CCSER2: variants seen among roughly 807,000 people sequenced by gnomAD.
CCSER2 encodes the protein serine-rich coiled-coil domain-containing protein 2.
A neutral mutation model predicts 92.3 loss-of-function variants in CCSER2; 46 were observed. That is an observed-to-expected ratio of 0.50 (90% CI 0.39 to 0.64). CCSER2 has a LOEUF of 0.64. CCSER2 is among the 30% of genes least tolerant of loss of function. CCSER2 has a pLI of 0.00. For missense variants in CCSER2, 1,244 were observed against 1,238.9 expected (o/e 1.00, Z -0.06); for synonymous variants, 433 against 431.4 (o/e 1.00, Z -0.04).
chr10:84,504,177 G>A (rs1012349612), intron 9 of CCSER2, among the ~76,000 whole-genome samples: 5 of 151,714 alleles, frequency 3.3e-5, no homozygotes, highest in African/African-American at 4.8e-5. Context: ...AAAAACATTG[G>A]TCTATTTTGC....
At chr10:84,511,978 T>C (rs923883053) in intron 9 of CCSER2, among the ~76,000 whole-genome samples, 1 of 152,208 alleles carries the variant, frequency 6.6e-6, no homozygotes, top group African/African-American at 2.4e-5. Flanking sequence ...TGATGTGACA[T>C]ATTTCTGTAC....
At chr10:84,424,442 T>C (rs1021184110) in intron 4 of CCSER2, among the ~76,000 whole-genome samples, 5 of 152,164 alleles carry the variant, frequency 3.3e-5, no homozygotes, top group African/African-American at 7.2e-5. Flanking sequence ...ATAAACAAAA[T>C]TTCAGTGTCC....
At chr10:84,433,375 A>G (rs1359441893) in intron 5 of CCSER2, among the ~76,000 whole-genome samples, 1 of 152,148 alleles carries the variant, frequency 6.6e-6, no homozygotes, top group South Asian at 2.1e-4. Context: ...TATGAAATCA[A>G]AACTGTGACT....
intron 9 of CCSER2, among the ~76,000 whole-genome samples, chr10:84,512,173 A>C (rs574169900): frequency 6.6e-6 from 1 of 152,298 alleles, no homozygotes; most frequent in African/African-American, 2.4e-5. Context: ...GGGAGGTGGA[A>C]GAACTGAAAA....
intron 9 of CCSER2, among the ~76,000 whole-genome samples, chr10:84,483,708 G>A (rs1330304253): frequency 6.6e-6 from 1 of 150,956 alleles, no homozygotes; most frequent in African/African-American, 2.4e-5. Flanking sequence ...CATTTTCTTA[G>A]ACCATATTCT....
At chr10:84,502,960 C>G (rs1848843984) in intron 9 of CCSER2, among the ~76,000 whole-genome samples, 1 of 152,088 alleles carries the variant, frequency 6.6e-6, no homozygotes, top group Non-Finnish European at 1.5e-5. Flanking sequence ...CGCGGTGGCT[C>G]ACGCCTGTAA....
intron 6 of CCSER2, among the ~76,000 whole-genome samples, chr10:84,457,374 A>AT: frequency 1.0e-5 from 1 of 95,838 alleles, no homozygotes; most frequent in South Asian, 2.6e-4. Context: ...TTTTAAATAT[A>AT]TATTTTAAAT....
chr10:84,357,990 T>C (rs1385026413), intron 1 of CCSER2, among the ~76,000 whole-genome samples: 1 of 152,240 alleles, frequency 6.6e-6, no homozygotes, highest in Non-Finnish European at 1.5e-5. Context: ...ATTTTAAGTA[T>C]GATTTTCCTT....
intron 9 of CCSER2, among the ~76,000 whole-genome samples, chr10:84,487,458 A>C (rs894739450): frequency 1.3e-5 from 2 of 152,124 alleles, no homozygotes; most frequent in African/African-American, 2.4e-5. Flanking sequence ...GAGGTCCTTC[A>C]TGTCCCTTGT....
chr10:84,496,049 G>C (rs1848432219), intron 9 of CCSER2, among the ~76,000 whole-genome samples: 1 of 149,266 alleles, frequency 6.7e-6, no homozygotes, highest in African/African-American at 2.5e-5. Context: ...ATAGTGTTTT[G>C]AGTTTATGTC....
intron 9 of CCSER2, among the ~76,000 whole-genome samples, chr10:84,478,738 A>G (rs1202174469): frequency 6.6e-6 from 1 of 152,224 alleles, no homozygotes; most frequent in East Asian, 1.9e-4. Flanking sequence ...TTGGGAATGC[A>G]TTGATGTAGT....
rs35978182 is a variant in CCSER2, at chr10:84,476,435, CTTTTTTTT to C, written c.2236-1120_2236-1113del. ...TTGTCACTAAGGGTGAATTCTCTCT[CTTTTTTTT>C]TTTTTTTTTTTTTTTTTTTGAAATG... On this transcript the variant is annotated intron_variant, in intron 8 of 9. Coordinates refer to ENST00000372088, the MANE Select transcript of CCSER2 (RefSeq NM_001284240.2). Among the ~76,000 whole-genome samples the C allele has an allele frequency of 2.4e-3, 141 of 58,542 alleles. 1 individual carries two copies. The highest frequency in any genetic ancestry group is 0.01 in the South Asian group (12 of 1,154). The allele number at this position is 58,542 out of a possible 152,430, so 38.4% of individuals were successfully genotyped here. A position where few individuals can be genotyped will look rare whatever the true frequency, so the allele number is the denominator to read the frequency against.
chr10:84,493,566 C>G (rs1848285105), intron 9 of CCSER2, among the ~76,000 whole-genome samples: 1 of 152,176 alleles, frequency 6.6e-6, no homozygotes, highest in South Asian at 2.1e-4. Context: ...GGTTATTTCT[C>G]AATCATATGC....
intron 4 of CCSER2, chr10:84,425,026 A>T: frequency 1.0e-6 from 1 of 981,252 alleles, no homozygotes; most frequent in Non-Finnish European, 1.2e-6. Context: ...GAGTGCTCAG[A>T]TATGTGAGGA....
intron 3 of CCSER2, among the ~76,000 whole-genome samples, chr10:84,384,939 G>A (rs1196787940): frequency 1.3e-5 from 2 of 151,098 alleles, no homozygotes; most frequent in African/African-American, 4.9e-5. Flanking sequence ...TACAAAAATT[G>A]GTATATCCAT....
intron 6 of CCSER2, among the ~76,000 whole-genome samples, chr10:84,442,256 G>A (rs1309812740): frequency 6.6e-6 from 1 of 152,018 alleles, no homozygotes; most frequent in Non-Finnish European, 1.5e-5. Context: ...GAAGGTGATG[G>A]TGCTACATTA....
At chr10:84,346,426 T>C (rs1844483075) in intron 1 of CCSER2, among the ~76,000 whole-genome samples, 2 of 151,968 alleles carry the variant, frequency 1.3e-5, no homozygotes, top group Admixed American at 1.3e-4. Context: ...GCTGCTTGTC[T>C]TCAAGGAGGT....
At chr10:84,465,245 G>A (rs1156422646) in intron 7 of CCSER2, among the ~76,000 whole-genome samples, 194 of 4,778 alleles carry the variant, frequency 0.041, 1 homozygote, top group Middle Eastern at 0.25. Context: ...GAATTTGTGT[G>A]TGTGTGTGTG....
intron 9 of CCSER2, among the ~76,000 whole-genome samples, chr10:84,488,891 C>T (rs1847971229): frequency 6.6e-6 from 1 of 152,128 alleles, no homozygotes; most frequent in South Asian, 2.1e-4. Context: ...TATAAATTTC[C>T]CTCTACACAC....
Sources: allele counts gnomAD v4.1 joint callset (sites outside exome capture counted in the v4.1 genomes callset), GRCh38; gene constraint gnomAD v4.1.1; transcripts MANE v1.5; gene names NCBI Gene and HGNC (gene_info 2026-07-23, HGNC 2026-07-21).